The following LAMA2 variants were observed in gnomAD, a reference collection of about 807,000 sequenced individuals.
LAMA2 encodes laminin subunit alpha 2.
Under a neutral mutation model 364.8 loss-of-function variants are expected in LAMA2, and 269 were observed. The ratio of observed to expected loss-of-function variants is 0.74; its 90% CI spans 0.67 to 0.82. The LOEUF (loss-of-function observed/expected upper bound fraction) is 0.82, where lower values mean the gene tolerates loss of function less well. Among genes scored for constraint, LAMA2 ranks in the 40% least tolerant of loss-of-function variants. LAMA2 has a pLI of 0.00. For missense variants in LAMA2, 3,807 were observed against 3,873.2 expected, an observed-to-expected ratio of 0.98 and a Z score of 0.45; for synonymous variants, 1,379 against 1,370.6, an observed-to-expected ratio of 1.01 and a Z score of -0.14.
At chr6:128,918,591 T>C (rs550899365) in intron 1 of LAMA2, among the ~76,000 whole-genome samples, 5 of 152,304 alleles carry the variant, frequency 3.3e-5, no homozygotes, top group South Asian at 2.1e-4. Context: ...ACTAAAAACC[T>C]AGTGGTCTTC....
chr6:128,910,663 CG>C (rs1554320337), intron 1 of LAMA2, among the ~76,000 whole-genome samples: 1 of 152,192 alleles, frequency 6.6e-6, no homozygotes, highest in Non-Finnish European at 1.5e-5. Flanking sequence ...CGTCTAGCTT[CG>C]TTCTGTTGTT....
chr6:129,088,799 G>C (rs892199573), intron 3 of LAMA2, among the ~76,000 whole-genome samples: 3 of 151,908 alleles, frequency 2.0e-5, no homozygotes, highest in Non-Finnish European at 4.4e-5. Flanking sequence ...ACGGGATGGC[G>C]GTCCGGAAGA....
At chr6:129,110,900 G>A (rs548879635) in intron 4 of LAMA2, among the ~76,000 whole-genome samples, 2 of 148,602 alleles carry the variant, frequency 1.3e-5, no homozygotes, top group Non-Finnish European at 1.5e-5. Context: ...AAAAACCCAA[G>A]GGTGTGTCAG....
intron 9 of LAMA2, among the ~76,000 whole-genome samples, chr6:129,166,795 G>T (rs1779768001): frequency 6.6e-6 from 1 of 152,018 alleles, no homozygotes; most frequent in African/African-American, 2.4e-5. Context: ...CTGTCATAAT[G>T]CATACAAAAA....
chr6:129,402,208 CAAAAAAAA>C (rs372396435), intron 38 of LAMA2, 108 bp from the exon 39 acceptor site: 2 of 448,184 alleles, frequency 4.5e-6, no homozygotes, highest in African/African-American at 3.9e-5. Flanking sequence ...GACTCTGTCT[CAAAAAAAA>C]AAAAAAAAAA....
intron 1 of LAMA2, among the ~76,000 whole-genome samples, chr6:128,944,256 T>TCTGAAGGC (rs1780358559): frequency 1.3e-5 from 2 of 152,192 alleles, no homozygotes; most frequent in Non-Finnish European, 2.9e-5. Flanking sequence ...AATGAATTAA[T>TCTGAAGGC]TTTGGACTTG....
At position 129,048,585 on chromosome 6, in the gene LAMA2, CTTTG is replaced by C. The variant is rs1787763568; in HGVS notation, c.113-1332_113-1329del. On this transcript the variant is annotated intron_variant, in intron 1 of 64. Transcript: ENST00000421865. ...TCTCTCTCTTTCTTTCTCCTTCCTT[CTTTG>C]CTTCCTTCCTTCCTTTCTCTCTCTC... Among the ~76,000 whole-genome samples, 5 of 82,328 alleles carry C rather than the reference CTTTG, an allele frequency of 6.1e-5. 1 individual carries two copies. Among genetic ancestry groups the C allele is most frequent in the African/African-American group, 2.2e-4 (5 of 23,044 alleles). The allele number at this position is 82,328 out of a possible 152,430, so 54.0% of individuals were successfully genotyped here.
At chr6:129,188,200 A>G (rs1156423983) in intron 10 of LAMA2, among the ~76,000 whole-genome samples, 2 of 151,890 alleles carry the variant, frequency 1.3e-5, no homozygotes, top group African/African-American at 2.4e-5. Flanking sequence ...GACTTATTTA[A>G]AGACAGACCT....
At chr6:129,104,426 A>T (rs908829015) in intron 4 of LAMA2, among the ~76,000 whole-genome samples, 1 of 152,218 alleles carries the variant, frequency 6.6e-6, no homozygotes, top group Non-Finnish European at 1.5e-5. Flanking sequence ...AATAGGAAAT[A>T]GTTTTCTTGT....
At chr6:129,453,988 T>G (rs1782825465) in intron 46 of LAMA2, among the ~76,000 whole-genome samples, 167 bp from the exon 47 acceptor site, 1 of 150,812 alleles carries the variant, frequency 6.6e-6, no homozygotes, top group Non-Finnish European at 1.5e-5. Context: ...AAAATATTAT[T>G]TTAATAATGT....
Position 129,217,954 on chromosome 6 carries a change from T to C in LAMA2, c.1782+25101T>C, listed in dbSNP as rs367618465. On this transcript the variant is annotated intron_variant, in intron 12 of 64. Transcript: ENST00000421865. ...AAAATAAACTTGGGCCTGTAGCCAA[T>C]AGTTTGTATTCCAGGCTTTTAAAAA... Among the ~76,000 whole-genome samples the C allele has an allele frequency of 7.9e-5, 12 of 152,262 alleles. No individual in the cohort carries two copies. The East Asian group carries it at 1.9e-3, about 24-fold the overall frequency.
intron 10 of LAMA2, among the ~76,000 whole-genome samples, chr6:129,182,567 C>A (rs1780994456): frequency 6.6e-6 from 1 of 151,524 alleles, no homozygotes; most frequent in Non-Finnish European, 1.5e-5. Flanking sequence ...ATGTATAAAC[C>A]ATGATAAATT....
chr6:129,423,080 A>C (rs1381185050), intron 40 of LAMA2, among the ~76,000 whole-genome samples: 2 of 152,118 alleles, frequency 1.3e-5, no homozygotes, highest in East Asian at 3.8e-4. Context: ...ACTAAAAAGC[A>C]AACTATATAA....
In LAMA2 at chr6:129,506,852, A is replaced by G. The variant is rs112841937; in HGVS notation, c.8704-637A>G. 8.3e-3 allele frequency among the ~76,000 whole-genome samples: 1,265 copies of G among 152,320 alleles called. 11 individuals carry two copies. The highest frequency in any genetic ancestry group is 0.014 in the Non-Finnish European group (944 of 68,032). ...ATGCTTTTTAGGTCTATCAAAAACT[A>G]AAGTCTCTGAAGTGACACTGGTACA... On this transcript the variant is annotated intron_variant, in intron 61 of 64. Coordinates refer to ENST00000421865, the MANE Select transcript of LAMA2 (RefSeq NM_000426.4).
At chr6:129,023,284 CA>C (rs1437996210) in intron 1 of LAMA2, among the ~76,000 whole-genome samples, 2 of 152,154 alleles carry the variant, frequency 1.3e-5, no homozygotes, top group African/African-American at 4.8e-5. Context: ...GACTCTCTTC[CA>C]TGACTTCTAA....
chr6:129,014,277 G>A (rs984828484), intron 1 of LAMA2, among the ~76,000 whole-genome samples: 1 of 152,036 alleles, frequency 6.6e-6, no homozygotes, highest in East Asian at 1.9e-4. Flanking sequence ...TCTTACATTC[G>A]GATCCTGTGT....
At chr6:129,054,716 A>G (rs946180264) in intron 2 of LAMA2, among the ~76,000 whole-genome samples, 2 of 148,492 alleles carry the variant, frequency 1.3e-5, no homozygotes, top group Non-Finnish European at 3.0e-5. Flanking sequence ...TTATATAAAT[A>G]ATATACACAT....
At chr6:128,956,352 C>A (rs1468140970) in intron 1 of LAMA2, among the ~76,000 whole-genome samples, 6 of 151,854 alleles carry the variant, frequency 4.0e-5, no homozygotes, top group African/African-American at 1.5e-4. Flanking sequence ...TCTTCTCTGC[C>A]TTTAGGGAAT....
chr6:129,231,655 C>A (rs1784676105), intron 12 of LAMA2, among the ~76,000 whole-genome samples: 1 of 152,138 alleles, frequency 6.6e-6, no homozygotes, highest in South Asian at 2.1e-4. Context: ...CATACACACA[C>A]TTTATTCCTT....
Sources: allele counts gnomAD v4.1 joint callset (sites outside exome capture counted in the v4.1 genomes callset), GRCh38; gene constraint gnomAD v4.1.1; transcripts MANE v1.5; gene names NCBI Gene and HGNC (gene_info 2026-07-23, HGNC 2026-07-21).